AUTS2: variants seen among roughly 807,000 people sequenced by gnomAD.
AUTS2 encodes activator of transcription and developmental regulator AUTS2, also known as autism susceptibility gene 2 protein.
AUTS2 carries 17 observed loss-of-function variants against 112.4 expected under a neutral mutation model. The observed-to-expected ratio is 0.15, with a 90% CI of 0.10 to 0.23. AUTS2 has a LOEUF of 0.23. Ranked by LOEUF, AUTS2 falls within the 10% of genes least tolerant of loss-of-function variation. The pLI, the probability that AUTS2 is intolerant of heterozygous loss-of-function variation, is 1.00. For synonymous variants in AUTS2, 751 were observed against 702.7 expected (o/e 1.07, Z -1.09); for missense variants, 1,510 against 1,701.6 (o/e 0.89, Z 1.98).
chr7:70,100,963 C>T (rs1001211209), intron 2 of AUTS2, among the ~76,000 whole-genome samples: 4 of 152,000 alleles, frequency 2.6e-5, no homozygotes, highest in African/African-American at 4.8e-5. Context: ...CTGCAACCTC[C>T]GCCTCCTGGG....
chr7:70,035,732 G>A (rs1800972485), intron 2 of AUTS2, among the ~76,000 whole-genome samples: 1 of 152,042 alleles, frequency 6.6e-6, no homozygotes, highest in South Asian at 2.1e-4. Flanking sequence ...AGATGATGTG[G>A]TCATAGAGTC....
chr7:70,018,571 C>T (rs189728849), intron 2 of AUTS2, among the ~76,000 whole-genome samples: 1 of 152,174 alleles, frequency 6.6e-6, no homozygotes, highest in African/African-American at 2.4e-5. Context: ...ACTGTTTTCT[C>T]TGTAAAAGAG....
chr7:70,496,390 CACG>C (rs1798506943), intron 5 of AUTS2, among the ~76,000 whole-genome samples: 1 of 113,238 alleles, frequency 8.8e-6, no homozygotes, highest in Non-Finnish European at 1.8e-5. Context: ...TCACACACAC[CACG>C]TACACAGTCA....
chr7:69,663,208 A>G (rs1327158398), intron 1 of AUTS2: 1 of 152,168 alleles, frequency 6.6e-6, no homozygotes, highest in African/African-American at 2.4e-5. Flanking sequence ...CTGTTACATT[A>G]ATGAGGGAAA....
intron 4 of AUTS2, among the ~76,000 whole-genome samples, chr7:70,287,827 A>T (rs79063182): frequency 1.5e-4 from 23 of 150,784 alleles, no homozygotes; most frequent in African/African-American, 3.9e-4. Flanking sequence ...AAAAAAAAAA[A>T]TTTTTTTTTA....
rs888347771 is a variant in AUTS2, at chr7:70,631,807, C to T, written c.691-66762C>T. On this transcript the variant is annotated intron_variant, in intron 5 of 18. Transcript: ENST00000342771. The surrounding 1 kb of genome is among the most constrained non-coding windows in gnomAD (Gnocchi z 4.5). Reference sequence around the variant, plus strand: ...CTGCTTGACAGCATCTCCAGCCCCGCGCCCGTGTGTGCTAACTTGCTAGGG... The same window carrying T: ...CTGCTTGACAGCATCTCCAGCCCCGTGCCCGTGTGTGCTAACTTGCTAGGG... Among the ~76,000 whole-genome samples the T allele has an allele frequency of 1.4e-4, 21 of 152,182 alleles. No individual in the cohort carries two copies. Among genetic ancestry groups the T allele is most frequent in the Middle Eastern group, 3.4e-3 (1 of 294 alleles).
At chr7:69,916,041 C>A (rs1795567549) in intron 2 of AUTS2, among the ~76,000 whole-genome samples, 1 of 152,170 alleles carries the variant, frequency 6.6e-6, no homozygotes, top group Non-Finnish European at 1.5e-5. Flanking sequence ...ATTTAGACTT[C>A]AGATTTATAT....
Position 70,059,781 on chromosome 7 carries a change from G to A in AUTS2, c.523-58351G>A, listed in dbSNP as rs575158868. Among the ~76,000 whole-genome samples the A allele has an allele frequency of 4.6e-5, 7 of 152,232 alleles. No homozygotes were observed. In the South Asian group the frequency reaches 6.2e-4, roughly 14 times the overall value. On this transcript the variant is annotated intron_variant, in intron 2 of 18. Coordinates refer to ENST00000342771, the MANE Select transcript of AUTS2 (RefSeq NM_015570.4). ...GCTAAAGAAGATAGGCTTCCTTAGTGAGGCCATAGGAACCCATGGCAGATT... is the reference window on the plus strand; with the variant it reads ...GCTAAAGAAGATAGGCTTCCTTAGTAAGGCCATAGGAACCCATGGCAGATT...
At chr7:70,665,097 T>C (rs1807261983) in intron 5 of AUTS2, among the ~76,000 whole-genome samples, 1 of 152,102 alleles carries the variant, frequency 6.6e-6, no homozygotes, top group African/African-American at 2.4e-5. Context: ...AAAAAATGCT[T>C]ATATTCAACA....
intron 1 of AUTS2, among the ~76,000 whole-genome samples, chr7:69,675,953 A>T (rs539390426): frequency 6.6e-6 from 1 of 152,276 alleles, no homozygotes; most frequent in South Asian, 2.1e-4. Context: ...TACATTATAT[A>T]TTGGCAGATC....
chr7:69,614,009 G>T (rs1272253716), intron 1 of AUTS2, among the ~76,000 whole-genome samples: 1 of 152,160 alleles, frequency 6.6e-6, no homozygotes, highest in Admixed American at 6.5e-5. Context: ...ATGCTACAAA[G>T]AGTATGCTAA....
At chr7:69,604,598 T>A (rs147979242) in intron 1 of AUTS2, among the ~76,000 whole-genome samples, 1 of 152,212 alleles carries the variant, frequency 6.6e-6, no homozygotes, top group Non-Finnish European at 1.5e-5. Flanking sequence ...GATTTGGATA[T>A]ATGGGGAAGG....
intron 2 of AUTS2, among the ~76,000 whole-genome samples, chr7:69,951,150 C>G (rs538865717): frequency 1.3e-5 from 2 of 152,182 alleles, no homozygotes; most frequent in South Asian, 4.2e-4. Flanking sequence ...AATATTGTTG[C>G]AATTGTATTT....
At chr7:69,666,430 A>G (rs1197855347) in intron 1 of AUTS2, among the ~76,000 whole-genome samples, 1 of 152,160 alleles carries the variant, frequency 6.6e-6, no homozygotes, top group Admixed American at 6.5e-5. Flanking sequence ...CTTGGTGAGT[A>G]TTATTTTTCA....
At chr7:69,701,273 C>T (rs1021954469) in intron 1 of AUTS2, among the ~76,000 whole-genome samples, 1 of 152,184 alleles carries the variant, frequency 6.6e-6, no homozygotes, top group Non-Finnish European at 1.5e-5. Flanking sequence ...TTTCAGAGGC[C>T]ATGCAATAAA....
At chr7:70,567,659 G>T (rs1466717039) in intron 5 of AUTS2, among the ~76,000 whole-genome samples, 1 of 152,210 alleles carries the variant, frequency 6.6e-6, no homozygotes, top group East Asian at 1.9e-4. Flanking sequence ...GCAGTACACA[G>T]TGCCGGCAGA....
intron 2 of AUTS2, among the ~76,000 whole-genome samples, chr7:70,095,350 A>G (rs1234021119): frequency 6.6e-6 from 1 of 152,216 alleles, no homozygotes; most frequent in Non-Finnish European, 1.5e-5. Flanking sequence ...TCATACACGC[A>G]TAGAAGTCTT....
chr7:70,686,621 C>G (rs553957694), intron 5 of AUTS2, among the ~76,000 whole-genome samples: 3 of 152,038 alleles, frequency 2.0e-5, no homozygotes, highest in African/African-American at 7.3e-5. Flanking sequence ...ACTGCAACCT[C>G]CCGGGTTCAA....
At chr7:70,349,361 A>C (rs775781788) in intron 4 of AUTS2, among the ~76,000 whole-genome samples, 17 of 152,216 alleles carry the variant, frequency 1.1e-4, no homozygotes, top group Non-Finnish European at 2.5e-4. Flanking sequence ...CAGGATTTAG[A>C]GATTGAGAGT....
Sources: gnomAD v4.1 joint callset for allele counts (sites outside exome capture counted in the v4.1 genomes callset) on GRCh38, gnomAD v4.1.1 for gene constraint, Gnocchi (gnomAD v3.1) non-coding constraint, MANE v1.5 for transcripts, NCBI Gene and HGNC (gene_info 2026-07-23, HGNC 2026-07-21) for gene names.